The following GABRB3 variants were observed in gnomAD, a reference collection of about 807,000 sequenced individuals.
The protein encoded by GABRB3 is gamma-aminobutyric acid type A receptor subunit beta3.
A neutral mutation model predicts 52.1 loss-of-function variants in GABRB3; 14 were observed. The ratio of observed to expected loss-of-function variants is 0.27; its 90% CI spans 0.18 to 0.42. The LOEUF (loss-of-function observed/expected upper bound fraction) is 0.42, where lower values mean the gene tolerates loss of function less well. GABRB3 is among the 10% of genes least tolerant of loss of function. GABRB3 has a pLI of 1.00. For missense variants in GABRB3, 307 were observed against 609.1 expected (o/e 0.50, Z 5.22); for synonymous variants, 260 against 232.3 (o/e 1.12, Z -1.08).
At chr15:26,610,248 T>C (rs959167434) in intron 4 of GABRB3, among the ~76,000 whole-genome samples, 30 of 152,166 alleles carry the variant, frequency 2.0e-4, no homozygotes, top group African/African-American at 6.8e-4. Flanking sequence ...TATAAACCCC[T>C]AATTTTTGTT....
In GABRB3 at chr15:26,567,970, C is replaced by T. The variant is rs117102571; in HGVS notation, c.683-237G>A. On this transcript the variant is annotated intron_variant, in intron 6 of 8. Coordinates refer to ENST00000311550, the MANE Select transcript of GABRB3 (RefSeq NM_000814.6). ...GGATGCTCTTCTAAGGCTAAACGCT[C>T]GGTTGAGAACTTGGAAAAACGTATT... Among the ~76,000 whole-genome samples, 633 of 152,306 alleles carry T rather than the reference C, an allele frequency of 4.2e-3. 13 individuals carry two copies. The South Asian group carries it at 0.066, about 16-fold the overall frequency.
At chr15:26,701,157 A>G (rs1363413851) in intron 3 of GABRB3, among the ~76,000 whole-genome samples, 1 of 152,216 alleles carries the variant, frequency 6.6e-6, no homozygotes, top group Non-Finnish European at 1.5e-5. Flanking sequence ...CATACTTAAC[A>G]GTAAAAAGAC....
intron 3 of GABRB3, among the ~76,000 whole-genome samples, chr15:26,732,553 C>T (rs1017442456): frequency 6.9e-6 from 1 of 145,356 alleles, no homozygotes; most frequent in Non-Finnish European, 1.5e-5. Context: ...CATAGTGAGA[C>T]CCCTTTCTCC....
intron 3 of GABRB3, among the ~76,000 whole-genome samples, chr15:26,770,304 T>C (rs542133512): frequency 1.8e-4 from 27 of 152,274 alleles, no homozygotes; most frequent in African/African-American, 5.5e-4. Context: ...GCCAGAAAAA[T>C]TACTGTCATA....
intron 3 of GABRB3, among the ~76,000 whole-genome samples, chr15:26,721,912 T>C (rs1051809397): frequency 2.6e-5 from 4 of 152,110 alleles, no homozygotes; most frequent in Admixed American, 2.0e-4. Context: ...CATTGGTCCA[T>C]GATAATTCAA....
At chr15:26,570,067 G>A (rs1321043646) in intron 6 of GABRB3, among the ~76,000 whole-genome samples, 1 of 152,154 alleles carries the variant, frequency 6.6e-6, no homozygotes, top group Non-Finnish European at 1.5e-5. Context: ...TTGAGTGGAG[G>A]ACACACAGAT....
rs2140638353 is a variant in GABRB3 at position 26,544,937 on chromosome 15, G to A, written c.*2856C>T. 1 of 152,642 alleles carries A rather than the reference G, an allele frequency of 6.6e-6. No individual in the cohort carries two copies. The highest frequency in any genetic ancestry group is 1.9e-4 in the East Asian group (1 of 5,172). 9.5% of individuals were successfully genotyped at this position (152,642 alleles called of 1,614,324 possible). On this transcript the variant is annotated 3_prime_UTR_variant, in exon 9 of 9. Transcript: ENST00000311550. Reference sequence around the variant, plus strand: ...GTCCGGGTTCAGAATTCCTCAACGCGACTCAGTCACTGGCTCAAATAACTA... The same window carrying A: ...GTCCGGGTTCAGAATTCCTCAACGCAACTCAGTCACTGGCTCAAATAACTA...
chr15:26,598,396 A>T (rs1891471173), intron 4 of GABRB3, among the ~76,000 whole-genome samples: 1 of 152,160 alleles, frequency 6.6e-6, no homozygotes, highest in African/African-American at 2.4e-5. Context: ...GTGGAATAGG[A>T]TGCCAGACTA....
At chr15:26,607,923 A>T (rs1056184212) in intron 4 of GABRB3, among the ~76,000 whole-genome samples, 1 of 152,098 alleles carries the variant, frequency 6.6e-6, no homozygotes, top group Non-Finnish European at 1.5e-5. Context: ...TGTAATCCCT[A>T]TCAAAATTCT....
chr15:26,590,171 G>A (rs1173504831), intron 4 of GABRB3: 1 of 150,062 alleles, frequency 6.7e-6, no homozygotes, highest in African/African-American at 2.4e-5. Context: ...ATCAGTGTGC[G>A]AGAGCTTTAT....
chr15:26,546,348 AG>A lies in GABRB3; in HGVS notation c.*1444del, dbSNP rs1222267374. The stretch of plus-strand genomic sequence containing the variant: ...AAGATCTCATCTAAATAGTAAGTTA[AG>A]GTTGCGTCTATGAAACCGGTGCACC... On this transcript the variant is annotated 3_prime_UTR_variant, in exon 9 of 9. Coordinates refer to ENST00000311550, the MANE Select transcript of GABRB3 (RefSeq NM_000814.6). The A allele has an allele frequency of 6.6e-6, 1 of 152,394 alleles. No individual in the cohort carries two copies. Among genetic ancestry groups the A allele is most frequent in the East Asian group, 1.9e-4 (1 of 5,184 alleles). 9.4% of individuals were successfully genotyped at this position (152,394 alleles called of 1,614,324 possible). A position where few individuals can be genotyped will look rare whatever the true frequency, so the allele number is the denominator to read the frequency against.
intron 3 of GABRB3, among the ~76,000 whole-genome samples, chr15:26,748,240 G>A (rs1025550030): frequency 2.0e-5 from 3 of 151,976 alleles, no homozygotes; most frequent in Admixed American, 1.3e-4. Flanking sequence ...AAAATTAGTT[G>A]GGAATGGTTC....
chr15:26,547,853 G>A lies in GABRB3; in HGVS notation c.1362C>T (p.Ile454=), dbSNP rs745449592. The A allele has an allele frequency of 1.2e-5, 20 of 1,614,092 alleles. 2 individuals carry two copies. In the South Asian group the frequency reaches 1.8e-4, roughly 14 times the overall value. The stretch of plus-strand genomic sequence containing the variant: ...AAAGAGAAAAAGTGAATGGAAACAC[G>A]ATCCTGGACCATCTGTCTATGGCAT... ...DVNAIDRWSR[I]VFPFTFSLFN... The change falls in exon 9 of 9, where the codon ATC becomes ATT. Residue 454 remains isoleucine (I), a synonymous_variant. Coordinates refer to ENST00000311550, the MANE Select transcript of GABRB3 (RefSeq NM_000814.6).
At chr15:26,628,466 G>A (rs1053595100) in intron 3 of GABRB3, among the ~76,000 whole-genome samples, 5 of 152,180 alleles carry the variant, frequency 3.3e-5, no homozygotes, top group African/African-American at 1.2e-4. Flanking sequence ...TAAACACGAA[G>A]GGATATGGCA....
intron 4 of GABRB3, among the ~76,000 whole-genome samples, chr15:26,584,695 C>T (rs986340002): frequency 2.0e-5 from 3 of 152,242 alleles, no homozygotes; most frequent in Non-Finnish European, 1.5e-5. Flanking sequence ...CCACTTCCTA[C>T]TCTGCCTGCA....
chr15:26,771,591 G>C (rs1332117023), intron 3 of GABRB3, among the ~76,000 whole-genome samples: 1 of 152,208 alleles, frequency 6.6e-6, no homozygotes, highest in Non-Finnish European at 1.5e-5. Flanking sequence ...ACAAATGAAA[G>C]GGCCATCCTT....
chr15:26,718,033 C>CA lies in GABRB3; in HGVS notation c.240+54368dup, dbSNP rs1243330096. On this transcript the variant is annotated intron_variant, in intron 3 of 8. Transcript: ENST00000311550. ...GCCCACTTTGGAAAAGAAAAACAACCAAAAAAAATGTCATACATAACCTAT... is the reference window on the plus strand; with the variant it reads ...GCCCACTTTGGAAAAGAAAAACAACCAAAAAAAAATGTCATACATAACCTAT... Among the ~76,000 whole-genome samples the CA allele has an allele frequency of 4.6e-5, 7 of 151,770 alleles. No homozygotes were observed. In the East Asian group the frequency reaches 1.2e-3, roughly 25 times the overall value.
chr15:26,654,717 T>G (rs1595511040), intron 3 of GABRB3, among the ~76,000 whole-genome samples: 1 of 152,246 alleles, frequency 6.6e-6, no homozygotes, highest in Non-Finnish European at 1.5e-5. Context: ...CCTGTGACCG[T>G]GCCACTGCAC....
intron 3 of GABRB3, among the ~76,000 whole-genome samples, chr15:26,734,189 C>T (rs1425960463): frequency 1.3e-5 from 2 of 151,832 alleles, no homozygotes; most frequent in Admixed American, 1.3e-4. Flanking sequence ...ACCATCACAC[C>T]CAGCTAATTT....
Sources: allele counts gnomAD v4.1 joint callset (sites outside exome capture counted in the v4.1 genomes callset), GRCh38; gene constraint gnomAD v4.1.1; transcripts MANE v1.5; gene names NCBI Gene and HGNC (gene_info 2026-07-23, HGNC 2026-07-21).